NOTCH2NLB: variants seen among roughly 807,000 people sequenced by gnomAD.
NOTCH2NLB encodes the protein notch homolog 2 N-terminal-like protein B.
Under a neutral mutation model 14.8 loss-of-function variants are expected in NOTCH2NLB, and 1 was observed. The ratio of observed to expected loss-of-function variants is 0.07; its 90% CI spans 0.02 to 0.32. The LOEUF (loss-of-function observed/expected upper bound fraction) is 0.32. Among genes scored for constraint, NOTCH2NLB ranks in the 10% least tolerant of loss-of-function variants. The pLI is 1.00. For synonymous variants in NOTCH2NLB, 6 were observed against 57.5 expected (o/e 0.10, Z 4.05); for missense variants, 11 against 155.0 (o/e 0.07, Z 4.93).
At chr1:148,707,806 T>G in the NOTCH2NLB span, among the ~76,000 whole-genome samples, 1 of 144,034 alleles carries the variant, frequency 6.9e-6, no homozygotes, top group Non-Finnish European at 1.5e-5. Context: ...TAAAATAAAA[T>G]TATCTGTCTT....
the NOTCH2NLB span, among the ~76,000 whole-genome samples, chr1:148,601,010 C>A: frequency 1.5e-3 from 195 of 131,972 alleles, no homozygotes; most frequent in Middle Eastern, 4.2e-3. Context: ...GCTACCACAT[C>A]AATGAACTTT....
chr1:148,622,058 GA>G (rs1452666766), intron 2 of NOTCH2NLB, among the ~76,000 whole-genome samples: 1 of 88,338 alleles, frequency 1.1e-5, no homozygotes, highest in African/African-American at 6.3e-5. Context: ...TGAGGAACTC[GA>G]AGCTTAGAAA....
chr1:148,670,553 C>A (rs1181324072), intron 1 of NOTCH2NLB, among the ~76,000 whole-genome samples: 1 of 104,230 alleles, frequency 9.6e-6, no homozygotes, highest in Non-Finnish European at 2.0e-5. Context: ...TATATATATA[C>A]ATATATATAT....
the NOTCH2NLB span, among the ~76,000 whole-genome samples, chr1:148,697,764 T>C: frequency 3.1e-3 from 390 of 124,988 alleles, 2 homozygotes; most frequent in Non-Finnish European, 4.2e-3. Flanking sequence ...TTTTAAAAAG[T>C]ATAATTTAGC....
At chr1:148,675,233 C>A (rs1466307410) in intron 1 of NOTCH2NLB, among the ~76,000 whole-genome samples, 1 of 30,046 alleles carries the variant, frequency 3.3e-5, no homozygotes, top group Non-Finnish European at 7.9e-5. Flanking sequence ...AAGAAAGAAA[C>A]CCCACACACA....
At chr1:148,637,074 T>C (rs1664218440) in intron 2 of NOTCH2NLB, among the ~76,000 whole-genome samples, 4 of 128,660 alleles carry the variant, frequency 3.1e-5, no homozygotes, top group South Asian at 2.6e-4. Flanking sequence ...TTTCTTTTTT[T>C]TTTTTTTTTT....
chr1:148,608,699 T>A (rs1317041236), intron 3 of NOTCH2NLB, among the ~76,000 whole-genome samples: 6 of 150,244 alleles, frequency 4.0e-5, no homozygotes, highest in African/African-American at 1.2e-4. Context: ...CTACTTCTGT[T>A]TCCTCTAAAT....
chr1:148,705,942 CTT>C, the NOTCH2NLB span, among the ~76,000 whole-genome samples: 161 of 5,132 alleles, frequency 0.031, 5 homozygotes, highest in Middle Eastern at 0.083. Context: ...ACAGAAAGTT[CTT>C]TTTTTTTTTT....
intron 3 of NOTCH2NLB, among the ~76,000 whole-genome samples, chr1:148,610,801 G>A (rs1663677315): frequency 1.0e-4 from 1 of 9,992 alleles, no homozygotes; most frequent in South Asian, 3.9e-3. Flanking sequence ...GGCTGAGGCA[G>A]AAGAATGGCG....
chr1:148,670,537 A>ATAT (rs1553341879), intron 1 of NOTCH2NLB, among the ~76,000 whole-genome samples: 12 of 82,876 alleles, frequency 1.4e-4, no homozygotes, highest in African/African-American at 4.3e-4. Context: ...ACTAAAAAAA[A>ATAT]AAATATATAT....
Position 148,679,754 on chromosome 1 carries a change from T to C in NOTCH2NLB, c.-290A>G. Reference sequence around the variant, plus strand: ...GCCGCCCGAAGTTTGGCTGAAACTTTCTCGGGTGTGCAGCGAAGCAGCCTC... The same window carrying C: ...GCCGCCCGAAGTTTGGCTGAAACTTCCTCGGGTGTGCAGCGAAGCAGCCTC... On this transcript the variant is annotated 5_prime_UTR_variant, in exon 1 of 5. Coordinates refer to ENST00000593495, the Ensembl canonical transcript of NOTCH2NLB. The C allele has an allele frequency of 2.3e-6, 2 of 867,490 alleles. 1 individual carries two copies. Among genetic ancestry groups the C allele is most frequent in the Non-Finnish European group, 3.0e-6 (2 of 677,466 alleles). 53.7% of individuals were successfully genotyped at this position (867,490 alleles called of 1,614,324 possible).
the NOTCH2NLB span, among the ~76,000 whole-genome samples, chr1:148,707,965 C>CA: frequency 1.2e-5 from 1 of 81,154 alleles, no homozygotes; most frequent in Non-Finnish European, 2.5e-5. Flanking sequence ...TTCCCCCCCC[C>CA]CCACCTTTTC....
intron 1 of NOTCH2NLB, among the ~76,000 whole-genome samples, chr1:148,649,636 G>A (rs1392669859): frequency 1.3e-5 from 2 of 151,596 alleles, no homozygotes; most frequent in Admixed American, 6.6e-5. Context: ...TCAGCCTCCC[G>A]AGTAGCTGGG....
At chr1:148,699,993 G>A in the NOTCH2NLB span, among the ~76,000 whole-genome samples, 3 of 91,170 alleles carry the variant, frequency 3.3e-5, 1 homozygote, top group Non-Finnish European at 7.3e-5. Flanking sequence ...ATTAAGCCCA[G>A]TATCCATTAG....
At chr1:148,679,965 G>A (rs1482806655), upstream of NOTCH2NLB, among the ~76,000 whole-genome samples, 1 of 53,056 alleles carries the variant, frequency 1.9e-5, no homozygotes, top group Non-Finnish European at 4.1e-5. Flanking sequence ...GCGGCCCCGG[G>A]GGCCGCCGCG....
intron 1 of NOTCH2NLB, among the ~76,000 whole-genome samples, chr1:148,670,579 A>ATATAT (rs1664757314): frequency 4.8e-5 from 5 of 104,728 alleles, no homozygotes; most frequent in South Asian, 3.0e-4. Flanking sequence ...TATATATATA[A>ATATAT]ATAAATCAAC....
the NOTCH2NLB span, among the ~76,000 whole-genome samples, chr1:148,685,572 T>C: frequency 2.0e-5 from 3 of 152,256 alleles, no homozygotes; most frequent in Non-Finnish European, 4.4e-5. Flanking sequence ...ACACCTGTAA[T>C]CCCAGCACTT....
In NOTCH2NLB at chr1:148,622,391, A is replaced by G. The variant is rs1663904706; in HGVS notation, c.78-6441T>C. Among the ~76,000 whole-genome samples, 4 of 96,436 alleles carry G rather than the reference A, an allele frequency of 4.1e-5. No individual in the cohort carries two copies. The South Asian group carries it at 1.7e-3, about 41-fold the overall frequency. The allele number at this position is 96,436 out of a possible 152,430, so 63.3% of individuals were successfully genotyped here. Reference sequence around the variant, plus strand: ...TCTCAAAAAAAAAAAAAAAATTCACAGCTAGTAGATGGAAGAGGCAGGATT... The same window carrying G: ...TCTCAAAAAAAAAAAAAAAATTCACGGCTAGTAGATGGAAGAGGCAGGATT... On this transcript the variant is annotated intron_variant, in intron 2 of 4. Transcript: ENST00000593495.
chr1:148,648,061 AT>A (rs1352600740), intron 1 of NOTCH2NLB, among the ~76,000 whole-genome samples: 1 of 148,774 alleles, frequency 6.7e-6, no homozygotes, highest in Non-Finnish European at 1.5e-5. Context: ...CTATAAAAAA[AT>A]CATTCCAGTT....
Sources: gnomAD v4.1 joint callset for allele counts (sites outside exome capture counted in the v4.1 genomes callset) on GRCh38, gnomAD v4.1.1 for gene constraint, MANE v1.5 for transcripts, NCBI Gene and HGNC (gene_info 2026-07-23, HGNC 2026-07-21) for gene names.